MPHOSPH10: variants seen among roughly 807,000 people sequenced by gnomAD.
MPHOSPH10 encodes U3 small nucleolar ribonucleoprotein MPP10.
MPHOSPH10 carries 33 observed loss-of-function variants against 77.3 expected under a neutral mutation model. The ratio of observed to expected loss-of-function variants is 0.43; its 90% CI spans 0.32 to 0.57. The LOEUF is 0.57. MPHOSPH10 is among the 20% of genes least tolerant of loss of function. The pLI, the probability that MPHOSPH10 is intolerant of heterozygous loss-of-function variation, is 0.07. For missense variants in MPHOSPH10, 708 were observed against 780.1 expected, an observed-to-expected ratio of 0.91 and a Z score of 1.10; for synonymous variants, 245 against 268.0, an observed-to-expected ratio of 0.91 and a Z score of 0.84.
At position 71,148,064 on chromosome 2, in the gene MPHOSPH10, G is replaced by A; in HGVS notation, c.1623G>A (p.Val541=). The change falls in exon 9 of 11, where the codon GTG becomes GTA. Residue 541 remains valine, a synonymous_variant. Coordinates refer to ENST00000244230, the MANE Select transcript of MPHOSPH10 (RefSeq NM_005791.3). ...PAITMEEVAP[V]SVSDAALLAP... ...TAACCATGGAGGAAGTAGCCCCAGT[G>A]AGTGTTAGTGATGCAGCTCTCCTGG... is the stretch of plus-strand genomic sequence containing the variant. The A allele has an allele frequency of 6.2e-7, 1 of 1,614,190 alleles. No individual in the cohort carries two copies. The highest frequency in any genetic ancestry group is 8.5e-7 in the Non-Finnish European group (1 of 1,180,020).
At chr2:71,149,775 A>C in intron 10 of MPHOSPH10, 91 bp from the exon 11 acceptor site, 2 of 1,104,316 alleles carry the variant, frequency 1.8e-6, no homozygotes, top group Non-Finnish European at 2.6e-6. Flanking sequence ...TTATGGTTGC[A>C]TACATTGTTG....
chr2:71,147,654 C>CA (rs1429174320), intron 8 of MPHOSPH10, among the ~76,000 whole-genome samples: 1 of 151,054 alleles, frequency 6.6e-6, no homozygotes, highest in Admixed American at 6.6e-5. Context: ...GCCTGGGCAA[C>CA]AGAGCAAGGC....
intron 9 of MPHOSPH10, 83 bp downstream of exon 9, chr2:71,148,189 C>A: frequency 8.3e-7 from 1 of 1,197,992 alleles, no homozygotes; most frequent in South Asian, 1.2e-5. Flanking sequence ...ACGTCATTTG[C>A]CTTGCACTTG....
chr2:71,139,771 G>A, intron 5 of MPHOSPH10, 24 bp from the exon 6 acceptor site: 1 of 1,554,558 alleles, frequency 6.4e-7, no homozygotes, highest in Non-Finnish European at 8.8e-7. Context: ...TCTACCTAAT[G>A]AATAAACGTT....
rs749013484 is a variant in MPHOSPH10, at chr2:71,133,935, C to T, written c.769-13C>T. The T allele has an allele frequency of 2.0e-6, 3 of 1,484,562 alleles. No homozygotes were observed. The highest frequency in any genetic ancestry group is 2.7e-6 in the Non-Finnish European group (3 of 1,097,654). The allele number at this position is 1,484,562 out of a possible 1,614,324, so 92.0% of individuals were successfully genotyped here. On this transcript the variant is annotated splice_polypyrimidine_tract_variant and intron_variant, in intron 2 of 10. Transcript: ENST00000244230. ...ATCCCTAATTAATAGTTTTTAATATCTTTTTATTTTAGTCAGGTAAAAGTT... is the reference window on the plus strand; with the variant it reads ...ATCCCTAATTAATAGTTTTTAATATTTTTTTATTTTAGTCAGGTAAAAGTT...
chr2:71,140,420 A>G (rs1673590621), intron 6 of MPHOSPH10, among the ~76,000 whole-genome samples: 1 of 152,056 alleles, frequency 6.6e-6, no homozygotes, highest in African/African-American at 2.4e-5. Flanking sequence ...TCTTCTTAAG[A>G]GCCACCATTC....
intron 8 of MPHOSPH10, among the ~76,000 whole-genome samples, chr2:71,144,857 T>A (rs1293646620): frequency 6.6e-6 from 1 of 152,180 alleles, no homozygotes; most frequent in Non-Finnish European, 1.5e-5. Context: ...TTCCCTACCC[T>A]CTCAGTCTTC....
In MPHOSPH10 at chr2:71,136,913, AACACACACACAC is replaced by A. The variant is rs56768441; in HGVS notation, c.1099-1541_1099-1530del. On this transcript the variant is annotated intron_variant, in intron 4 of 10. Coordinates refer to ENST00000244230, the MANE Select transcript of MPHOSPH10 (RefSeq NM_005791.3). ...CCAAACCTGACAGAGGTAGCATTAA[AACACACACACAC>A]ACACACACACACACACACACACACA... 2.9e-3 allele frequency among the ~76,000 whole-genome samples: 345 copies of A among 119,076 alleles called. 2 individuals carry two copies. Among genetic ancestry groups the A allele is most frequent in the African/African-American group, 8.2e-3 (239 of 29,074 alleles). 78.1% of individuals were successfully genotyped at this position (119,076 alleles called of 152,430 possible). A position where few individuals can be genotyped will look rare whatever the true frequency, so the allele number is the denominator to read the frequency against.
At chr2:71,131,429 C>G (rs779663331) in intron 1 of MPHOSPH10, among the ~76,000 whole-genome samples, 13 of 152,158 alleles carry the variant, frequency 8.5e-5, no homozygotes, top group Non-Finnish European at 1.3e-4. Flanking sequence ...GCTGTTGTGT[C>G]TGTTTAATAG....
chr2:71,147,221 T>A (rs1673732408), intron 8 of MPHOSPH10, among the ~76,000 whole-genome samples: 1 of 152,208 alleles, frequency 6.6e-6, no homozygotes, highest in Non-Finnish European at 1.5e-5. Flanking sequence ...GCTAGCTTTT[T>A]TTTCTGTAAG....
chr2:71,134,565 T>G (rs759507287), intron 3 of MPHOSPH10, 61 bp from the exon 4 acceptor site: 9 of 1,477,392 alleles, frequency 6.1e-6, no homozygotes, highest in Non-Finnish European at 8.2e-6. Flanking sequence ...AAAATTTGTT[T>G]CCTTTTGTTT....
chr2:71,139,873 A>G lies in MPHOSPH10; in HGVS notation c.1308+11A>G, dbSNP rs1199761659. 6.4e-7 allele frequency: 1 copy of G among 1,565,926 alleles called. No homozygotes were observed. The highest frequency in any genetic ancestry group is 8.7e-7 in the Non-Finnish European group (1 of 1,148,014). On this transcript the variant is annotated intron_variant, in intron 6 of 10. Transcript: ENST00000244230. ...AGGATAAGAGATCAGGTCAGTAAGA[A>G]TTAAATTTAACTTAATCAAAATGTC...
Position 71,144,471 on chromosome 2 carries a change from A to G in MPHOSPH10, c.1490A>G (p.Gln497Arg). 1 of 1,614,178 alleles carries G rather than the reference A, an allele frequency of 6.2e-7. No individual in the cohort carries two copies. Among genetic ancestry groups the G allele is most frequent in the Non-Finnish European group, 8.5e-7 (1 of 1,180,018 alleles). The change falls in exon 8 of 11, where the codon CAG (glutamine) becomes CGG (arginine). Residue 497 changes from glutamine (Q) to arginine (R), a missense_variant. Physicochemically the swap from Gln to Arg is conservative, Grantham distance 43. Around this residue, in one of 3 missense-constraint regions of MPHOSPH10, gnomAD observed 263 missense variants for 320.0 expected, o/e 0.82. Coordinates refer to ENST00000244230, the MANE Select transcript of MPHOSPH10 (RefSeq NM_005791.3). ...EEENPEHVEIQKMMDSLFLKL... is the reference protein window; with the variant it reads ...EEENPEHVEIRKMMDSLFLKL... ...GAAAATCCAGAACATGTAGAAATTC[A>G]GAAGATGATGGATTCCCTCTTCTTA...
At position 71,133,540 on chromosome 2, in the gene MPHOSPH10, A is replaced by C. The variant is rs560960761; in HGVS notation, c.732A>C (p.Glu244Asp). Residue 244 changes from glutamate to aspartate, a missense_variant, in exon 2 of 11, where the codon GAA becomes GAC. Coordinates refer to ENST00000244230, the MANE Select transcript of MPHOSPH10 (RefSeq NM_005791.3). ...TTTTTGAAGATATTGATTCTGATGA[A>C]GATGAAGGGGGACTGTTTGGAAGTA... ...IDFFEDIDSD[E>D]DEGGLFGSKK... 10 of 1,606,998 alleles carry C rather than the reference A, an allele frequency of 6.2e-6. No individual in the cohort carries two copies. The African/African-American group carries it at 1.2e-4, about 19-fold the overall frequency.
At chr2:71,143,187 G>T (rs1673642860) in intron 7 of MPHOSPH10, among the ~76,000 whole-genome samples, 1 of 150,566 alleles carries the variant, frequency 6.6e-6, no homozygotes, top group Non-Finnish European at 1.5e-5. Context: ...CGGTTGCCAG[G>T]CTGGAGTGCA....
chr2:71,148,108 TA>T lies in MPHOSPH10; in HGVS notation c.1665+4del. ...CTCCTGGCCCCAGAGGAGATCAAGGTAAGAAGCCAATGTTGAAACCTTAAAT... is the reference window on the plus strand; with the variant it reads ...CTCCTGGCCCCAGAGGAGATCAAGGTAGAAGCCAATGTTGAAACCTTAAAT... On this transcript the variant is annotated splice_donor_region_variant and intron_variant, in intron 9 of 10. Transcript: ENST00000244230. 6.2e-7 allele frequency: 1 copy of T among 1,608,860 alleles called. No homozygotes were observed. The highest frequency in any genetic ancestry group is 8.5e-7 in the Non-Finnish European group (1 of 1,175,258).
intron 8 of MPHOSPH10, 87 bp from the exon 9 acceptor site, chr2:71,147,912 A>T: frequency 1.0e-6 from 1 of 989,848 alleles, no homozygotes; most frequent in Non-Finnish European, 1.6e-6. Context: ...TTTATATATT[A>T]TACTTTAAGT....
In MPHOSPH10 at chr2:71,136,472, A is replaced by G. The variant is rs1673492153; in HGVS notation, c.1098+1675A>G. Among the ~76,000 whole-genome samples the G allele has an allele frequency of 2.0e-5, 3 of 152,076 alleles. No homozygotes were observed. In the South Asian group the frequency reaches 6.2e-4, roughly 32 times the overall value. ...CAAGGCTGCAGTGAGCTATGATTGC[A>G]CCACAGCACTCTAGCCTGGGCAACA... is the stretch of plus-strand genomic sequence containing the variant. On this transcript the variant is annotated intron_variant, in intron 4 of 10. Transcript: ENST00000244230.
Position 71,133,330 on chromosome 2 carries a change from C to G in MPHOSPH10, c.522C>G (p.Asp174Glu), listed in dbSNP as rs776159085. The change falls in exon 2 of 11, where the codon GAC becomes GAG. Residue 174 changes from aspartate (D) to glutamate (E), a missense_variant. By Grantham distance (45) the Asp-to-Glu change is conservative. Around this residue, in one of 3 missense-constraint regions of MPHOSPH10, gnomAD observed 433 missense variants for 432.6 expected, o/e 1.00. Coordinates refer to ENST00000244230, the MANE Select transcript of MPHOSPH10 (RefSeq NM_005791.3). ...TCAGTGATGAGGATTCTGACCTTGA[C>G]TTTGATATCAGCAAATTGGAACAGC... ...PVFSDEDSDL[D>E]FDISKLEQQS... 6.2e-7 allele frequency: 1 copy of G among 1,614,002 alleles called. No homozygotes were observed. The highest frequency in any genetic ancestry group is 8.5e-7 in the Non-Finnish European group (1 of 1,180,016).
Sources: allele counts gnomAD v4.1 joint callset (sites outside exome capture counted in the v4.1 genomes callset), GRCh38; gene constraint gnomAD v4.1.1; regional missense constraint gnomAD v4.1.1; transcripts MANE v1.5; gene names NCBI Gene and HGNC (gene_info 2026-07-23, HGNC 2026-07-21).